PRKD1: variants seen among roughly 807,000 people sequenced by gnomAD.
PRKD1 encodes the protein serine/threonine-protein kinase D1.
A neutral mutation model predicts 95.9 loss-of-function variants in PRKD1; 63 were observed. That is an observed-to-expected ratio of 0.66 (90% CI 0.54 to 0.81). The LOEUF is 0.81. Among genes scored for constraint, PRKD1 ranks in the 30% least tolerant of loss-of-function variants. PRKD1 has a pLI of 0.00. For synonymous variants in PRKD1, 425 were observed against 423.1 expected, an observed-to-expected ratio of 1.00 and a Z score of -0.05; for missense variants, 1,048 against 1,165.3, an observed-to-expected ratio of 0.90 and a Z score of 1.47.
rs1007843319 is a variant in PRKD1 at position 29,777,415 on chromosome 14, T to C, written c.265-51741A>G. On this transcript the variant is annotated intron_variant, in intron 1 of 17. Coordinates refer to ENST00000331968, the MANE Select transcript of PRKD1 (RefSeq NM_002742.3). ...AGGAAACCCATCTCACGTGCAGAGA[T>C]ACACATAGGCTCAAAATAAAGGGAT... Among the ~76,000 whole-genome samples the C allele has an allele frequency of 2.2e-4, 33 of 152,036 alleles. 1 individual carries two copies. Among genetic ancestry groups the C allele is most frequent in the African/African-American group, 7.7e-4 (32 of 41,494 alleles).
chr14:29,578,247 C>G (rs375463292), intron 17 of PRKD1, 28 bp downstream of exon 17: 16 of 1,499,568 alleles, frequency 1.1e-5, no homozygotes, highest in Non-Finnish European at 1.3e-5. Context: ...GCTCATTCAA[C>G]TAAGAAAACT....
intron 1 of PRKD1, among the ~76,000 whole-genome samples, chr14:29,783,040 CATAAA>C: frequency 6.6e-6 from 1 of 152,292 alleles, no homozygotes; most frequent in Admixed American, 6.5e-5. Flanking sequence ...TATTTTGAAA[CATAAA>C]ATAAATCATT....
intron 13 of PRKD1, among the ~76,000 whole-genome samples, chr14:29,616,781 A>C (rs1878896635): frequency 6.6e-6 from 1 of 152,136 alleles, no homozygotes; most frequent in African/African-American, 2.4e-5. Flanking sequence ...TACTATGTGA[A>C]TATTTCACAC....
chr14:29,664,521 A>T (rs1347527679), intron 3 of PRKD1, among the ~76,000 whole-genome samples: 2 of 152,210 alleles, frequency 1.3e-5, no homozygotes, highest in African/African-American at 4.8e-5. Flanking sequence ...TCCATGTGTC[A>T]CACAGCAGTC....
chr14:29,607,997 A>G (rs1878138967), intron 13 of PRKD1, among the ~76,000 whole-genome samples: 1 of 152,234 alleles, frequency 6.6e-6, no homozygotes, highest in African/African-American at 2.4e-5. Context: ...TGAGGGAAAG[A>G]GTTCACAAAC....
chr14:29,698,923 G>A (rs911449622), intron 2 of PRKD1, among the ~76,000 whole-genome samples: 9 of 152,072 alleles, frequency 5.9e-5, no homozygotes, highest in East Asian at 3.9e-4. Flanking sequence ...AAACAGATTC[G>A]CGTGGTTAAG....
At chr14:29,773,998 C>T (rs949709738) in intron 1 of PRKD1, among the ~76,000 whole-genome samples, 4 of 152,086 alleles carry the variant, frequency 2.6e-5, no homozygotes, top group African/African-American at 4.8e-5. Context: ...ATGTCATAAA[C>T]GTTGGATCAA....
chr14:29,919,310 A>C lies in PRKD1; in HGVS notation c.264+7939T>G, dbSNP rs1353152091. Among the ~76,000 whole-genome samples, 3 of 152,380 alleles carry C rather than the reference A, an allele frequency of 2.0e-5. No homozygotes were observed. The East Asian group carries it at 5.8e-4, about 29-fold the overall frequency. ...CTTCTACACAGGAAACTGTAGATTT[A>C]GACAGCCGAAATTTGTCTGAATATG... On this transcript the variant is annotated intron_variant, in intron 1 of 17. Coordinates refer to ENST00000331968, the MANE Select transcript of PRKD1 (RefSeq NM_002742.3).
chr14:29,782,032 T>A (rs1407957560), intron 1 of PRKD1, among the ~76,000 whole-genome samples: 1 of 152,200 alleles, frequency 6.6e-6, no homozygotes, highest in Non-Finnish European at 1.5e-5. Context: ...GCATCTACAA[T>A]ATATGCTTTA....
At chr14:29,832,503 T>G (rs1891450670) in intron 1 of PRKD1, among the ~76,000 whole-genome samples, 1 of 152,266 alleles carries the variant, frequency 6.6e-6, no homozygotes, top group African/African-American at 2.4e-5. Flanking sequence ...GTATCCTTTA[T>G]TATACAGAGA....
At chr14:29,649,828 A>G (rs1420115119) in intron 4 of PRKD1, among the ~76,000 whole-genome samples, 2 of 151,936 alleles carry the variant, frequency 1.3e-5, no homozygotes, top group African/African-American at 4.8e-5. Flanking sequence ...TTTTCCTCCC[A>G]TTTCCTCCCA....
chr14:29,620,280 T>C (rs984438020), intron 13 of PRKD1, among the ~76,000 whole-genome samples: 1 of 151,794 alleles, frequency 6.6e-6, no homozygotes, highest in Non-Finnish European at 1.5e-5. Flanking sequence ...ACTTCATATC[T>C]AAAACACCAA....
At chr14:29,643,649 A>G (rs1278736994) in intron 4 of PRKD1, among the ~76,000 whole-genome samples, 1 of 152,204 alleles carries the variant, frequency 6.6e-6, no homozygotes, top group Non-Finnish European at 1.5e-5. Flanking sequence ...ATTTAATAGG[A>G]CTGAAATAAT....
chr14:29,920,595 C>T, intron 1 of PRKD1, among the ~76,000 whole-genome samples: 1 of 148,190 alleles, frequency 6.7e-6, no homozygotes, highest in Non-Finnish European at 1.5e-5. Flanking sequence ...AATACACACA[C>T]ACACACACAC....
chr14:29,609,506 G>GCGCACACA (rs1555327739), intron 13 of PRKD1, among the ~76,000 whole-genome samples: 3 of 127,488 alleles, frequency 2.4e-5, no homozygotes, highest in Non-Finnish European at 3.3e-5. Flanking sequence ...GTGTGTGCGT[G>GCGCACACA]CACACACACA....
In PRKD1 at chr14:29,927,585, C is replaced by T; in HGVS notation, c.-73G>A. ...CGCGGCAGCAGGAAAGTTTTGCAGCCGCTGAGCCAGGAGCTTCTTTCTCCG... is the reference window on the plus strand; with the variant it reads ...CGCGGCAGCAGGAAAGTTTTGCAGCTGCTGAGCCAGGAGCTTCTTTCTCCG... On this transcript the variant is annotated 5_prime_UTR_variant, in exon 1 of 18. Coordinates refer to ENST00000331968, the MANE Select transcript of PRKD1 (RefSeq NM_002742.3). 1.9e-6 allele frequency: 2 copies of T among 1,078,134 alleles called. No individual in the cohort carries two copies. Among genetic ancestry groups the T allele is most frequent in the Non-Finnish European group, 2.3e-6 (2 of 884,454 alleles). 66.8% of individuals were successfully genotyped at this position (1,078,134 alleles called of 1,614,324 possible).
At chr14:29,788,308 C>A (rs1045388003) in intron 1 of PRKD1, among the ~76,000 whole-genome samples, 5 of 152,150 alleles carry the variant, frequency 3.3e-5, no homozygotes, top group African/African-American at 1.2e-4. Context: ...GATTCCCTTA[C>A]AGATGACTTG....
intron 1 of PRKD1, among the ~76,000 whole-genome samples, chr14:29,886,496 T>C (rs1893710809): frequency 6.6e-6 from 1 of 152,208 alleles, no homozygotes. Flanking sequence ...ATAGTTCTAC[T>C]AAACTGGTGG....
chr14:29,831,006 G>T (rs1247145847), intron 1 of PRKD1, among the ~76,000 whole-genome samples: 1 of 152,160 alleles, frequency 6.6e-6, no homozygotes, highest in Non-Finnish European at 1.5e-5. Flanking sequence ...TCTAAAATAA[G>T]TCTATAAAGA....
Sources: gnomAD v4.1 joint callset for allele counts (sites outside exome capture counted in the v4.1 genomes callset) on GRCh38, gnomAD v4.1.1 for gene constraint, MANE v1.5 for transcripts, NCBI Gene and HGNC (gene_info 2026-07-23, HGNC 2026-07-21) for gene names.